STRADB: variants seen among roughly 807,000 people sequenced by gnomAD.
STRADB encodes the protein STE20 related adaptor beta, also known as STE20-related kinase adapter protein beta.
Under a neutral mutation model 52.1 loss-of-function variants are expected in STRADB, and 34 were observed. That is an observed-to-expected ratio of 0.65 (90% CI 0.50 to 0.87). The LOEUF (loss-of-function observed/expected upper bound fraction) is 0.87. Among genes scored for constraint, STRADB ranks in the 40% least tolerant of loss-of-function variants. The probability of loss-of-function intolerance (pLI) is 0.00; values close to 1 mark genes in which losing one functional copy is unlikely to be tolerated. For synonymous variants in STRADB, 133 were observed against 174.5 expected, an observed-to-expected ratio of 0.76 and a Z score of 1.87; for missense variants, 340 against 483.9, an observed-to-expected ratio of 0.70 and a Z score of 2.79.
intron 7 of STRADB, among the ~76,000 whole-genome samples, chr2:201,476,635 A>AT (rs1051364575): frequency 2.7e-4 from 40 of 150,910 alleles, no homozygotes; most frequent in East Asian, 5.8e-4. Context: ...ATATTGTTTG[A>AT]TTTTTTTTTA....
At chr2:201,478,640 G>A in intron 10 of STRADB, 39 bp downstream of exon 10, 1 of 1,589,480 alleles carries the variant, frequency 6.3e-7, no homozygotes, top group South Asian at 1.2e-5. Context: ...AAATGTACAT[G>A]TTTTACATTT....
chr2:201,479,993 A>G (rs757740605), intron 11 of STRADB, 39 bp from the exon 12 acceptor site: 1 of 1,596,554 alleles, frequency 6.3e-7, no homozygotes, highest in East Asian at 2.2e-5. Flanking sequence ...ATATATTGAA[A>G]TGATATATCA....
At chr2:201,479,872 C>G in intron 11 of STRADB, 160 bp from the exon 12 acceptor site, 1 of 846,484 alleles carries the variant, frequency 1.2e-6, no homozygotes, top group Non-Finnish European at 1.8e-6. Flanking sequence ...GGCTCTTCTT[C>G]CTGTTTTCAG....
At chr2:201,462,915 C>CTTTGAGA (rs1306404771) in intron 3 of STRADB, among the ~76,000 whole-genome samples, 1 of 152,206 alleles carries the variant, frequency 6.6e-6, no homozygotes, top group Non-Finnish European at 1.5e-5. Context: ...ACAACCTTTT[C>CTTTGAGA]TTTGAGATTG....
intron 3 of STRADB, among the ~76,000 whole-genome samples, chr2:201,463,349 G>A (rs201231038): frequency 2.2e-5 from 2 of 90,832 alleles, no homozygotes; most frequent in African/African-American, 4.0e-5. Flanking sequence ...AAAAAAAAAA[G>A]GTTTTCCTTC....
intron 5 of STRADB, among the ~76,000 whole-genome samples, chr2:201,474,133 G>A (rs1405045653): frequency 6.6e-6 from 1 of 151,980 alleles, no homozygotes; most frequent in African/African-American, 2.4e-5. Flanking sequence ...GTCGTGATCT[G>A]CCTGCCTCGG....
At chr2:201,462,237 G>A (rs987150518) in intron 3 of STRADB, among the ~76,000 whole-genome samples, 3 of 151,738 alleles carry the variant, frequency 2.0e-5, no homozygotes, top group South Asian at 2.1e-4. Context: ...GTTCTTTTTC[G>A]GTTTCCATTT....
intron 1 of STRADB, 91 bp from the exon 2 acceptor site, chr2:201,454,655 T>C (rs539466904): frequency 2.2e-6 from 1 of 448,836 alleles, no homozygotes. Flanking sequence ...TATCAGGGAA[T>C]AGCTGCCTAA....
chr2:201,463,173 T>G (rs1952243941), intron 3 of STRADB, among the ~76,000 whole-genome samples: 1 of 152,040 alleles, frequency 6.6e-6, no homozygotes, highest in South Asian at 2.1e-4. Flanking sequence ...CCATCTCTAC[T>G]AAAAATACAA....
chr2:201,463,595 G>A (rs1395399185), intron 3 of STRADB, among the ~76,000 whole-genome samples: 1 of 152,068 alleles, frequency 6.6e-6, no homozygotes, highest in African/African-American at 2.4e-5. Flanking sequence ...TTGGATACTT[G>A]GATAACTTCT....
At chr2:201,479,077 G>GAA (rs879403956) in intron 10 of STRADB, 21 of 156,576 alleles carry the variant, frequency 1.3e-4, no homozygotes, top group South Asian at 5.7e-4. Context: ...CATCTCAAAA[G>GAA]AAAAAAAAAA....
intron 1 of STRADB, among the ~76,000 whole-genome samples, chr2:201,452,807 A>C (rs373437781): frequency 6.6e-6 from 1 of 152,214 alleles, no homozygotes; most frequent in Non-Finnish European, 1.5e-5. Context: ...GAAAGTGTTA[A>C]TCTTTCAGAT....
chr2:201,479,674 C>A, intron 11 of STRADB, 143 bp downstream of exon 11: 1 of 842,766 alleles, frequency 1.2e-6, no homozygotes, highest in Non-Finnish European at 1.8e-6. Context: ...AACAAGAAAA[C>A]TTTTGGTAGT....
intron 4 of STRADB, among the ~76,000 whole-genome samples, chr2:201,472,367 A>G (rs932375845): frequency 1.3e-5 from 2 of 152,272 alleles, no homozygotes; most frequent in African/African-American, 2.4e-5. Context: ...CACCATCAGC[A>G]TTATAAATGG....
At chr2:201,470,476 T>C (rs1332813677) in intron 4 of STRADB, among the ~76,000 whole-genome samples, 1 of 152,226 alleles carries the variant, frequency 6.6e-6, no homozygotes, top group African/African-American at 2.4e-5. Context: ...CAGTTAAGTG[T>C]GGAATAGGAT....
chr2:201,467,364 A>G (rs1952320075), intron 3 of STRADB, among the ~76,000 whole-genome samples: 2 of 152,048 alleles, frequency 1.3e-5, no homozygotes, highest in South Asian at 4.2e-4. Flanking sequence ...TTCCCTCTTC[A>G]CTTCCAGTTC....
chr2:201,478,435 A>G lies in STRADB; in HGVS notation c.904A>G (p.Lys302Glu), dbSNP rs749446717. ...TTTCCCTCAATCAGAATCCAGAATG[A>G]AAAATTCCCAGTCAGGTGTAGACTC... Reference protein sequence around the residue: ...SIFPQSESRMKNSQSGVDSGI... With the variant: ...SIFPQSESRMENSQSGVDSGI... Residue 302 changes from lysine to glutamate, a missense_variant, in exon 10 of 12, where the codon AAA becomes GAA. Lys to Glu is a moderately conservative substitution (Grantham distance 56). Transcript: ENST00000194530. 1 of 1,614,116 alleles carries G rather than the reference A, an allele frequency of 6.2e-7. No individual in the cohort carries two copies. The highest frequency in any genetic ancestry group is 8.5e-7 in the Non-Finnish European group (1 of 1,180,028).
intron 7 of STRADB, 127 bp downstream of exon 7, chr2:201,475,869 G>A: frequency 2.9e-6 from 3 of 1,042,348 alleles, no homozygotes; most frequent in South Asian, 1.7e-5. Flanking sequence ...AAAATTGAGG[G>A]AGGAAGGGAC....
chr2:201,463,381 T>A (rs1418733932), intron 3 of STRADB, among the ~76,000 whole-genome samples: 1 of 151,644 alleles, frequency 6.6e-6, no homozygotes, highest in Non-Finnish European at 1.5e-5. Flanking sequence ...TATGTTGTGC[T>A]ACTCTCTCCT....
Sources: allele counts gnomAD v4.1 joint callset (sites outside exome capture counted in the v4.1 genomes callset), GRCh38; gene constraint gnomAD v4.1.1; transcripts MANE v1.5; gene names NCBI Gene and HGNC (gene_info 2026-07-23, HGNC 2026-07-21).